Variants in MICAL3 observed in about 807,000 individuals in gnomAD.
The protein encoded by MICAL3 is [F-actin]-monooxygenase MICAL3.
A neutral mutation model predicts 207.4 loss-of-function variants in MICAL3; 62 were observed. That is an observed-to-expected ratio of 0.30 (90% CI 0.24 to 0.37). The LOEUF (loss-of-function observed/expected upper bound fraction) is 0.37. Among genes scored for constraint, MICAL3 ranks in the 10% least tolerant of loss-of-function variants. MICAL3 has a pLI of 1.00. For synonymous variants in MICAL3, 1,077 were observed against 1,069.3 expected (o/e 1.01, Z -0.14); for missense variants, 2,368 against 2,635.6 (o/e 0.90, Z 2.22).
At chr22:18,017,106 T>C (rs1185213963) in intron 1 of MICAL3, among the ~76,000 whole-genome samples, 3 of 152,228 alleles carry the variant, frequency 2.0e-5, no homozygotes, top group African/African-American at 4.8e-5. Flanking sequence ...GTATAGAACC[T>C]GGCCTTCCAA....
intron 3 of MICAL3, 55 bp downstream of exon 3, chr22:17,904,577 G>C (rs1931578365): frequency 7.5e-7 from 1 of 1,339,200 alleles, no homozygotes; most frequent in African/African-American, 1.4e-5. Context: ...TCTTTCTACT[G>C]AACAAGCGTG....
intron 1 of MICAL3, among the ~76,000 whole-genome samples, chr22:17,976,531 A>ATGTGTGTGTGTGTGTGTGTGTGTGTGTG (rs1239655452): frequency 8.7e-6 from 1 of 114,738 alleles, no homozygotes; most frequent in African/African-American, 3.9e-5. Flanking sequence ...ATATGTGTAT[A>ATGTGTGTGTGTGTGTGTGTGTGTGTGTG]TATATGTGTG....
intron 1 of MICAL3, among the ~76,000 whole-genome samples, chr22:18,010,936 G>A (rs138154495): frequency 1.3e-5 from 2 of 152,248 alleles, no homozygotes; most frequent in African/African-American, 4.8e-5. Context: ...TAAAATAGCA[G>A]CCCTTCCCTG....
chr22:17,957,261 G>C (rs77730581), intron 1 of MICAL3, among the ~76,000 whole-genome samples: 1 of 152,142 alleles, frequency 6.6e-6, no homozygotes, highest in South Asian at 2.1e-4. Flanking sequence ...TAGAAGGAAC[G>C]AGACAAAATC....
chr22:17,881,071 G>A (rs1419162437), intron 16 of MICAL3: 5 of 787,650 alleles, frequency 6.3e-6, no homozygotes, highest in African/African-American at 3.5e-5. Context: ...CACCACAAAC[G>A]GTTTCTACGC....
chr22:17,809,400 C>T (rs754689870), intron 28 of MICAL3, among the ~76,000 whole-genome samples: 2 of 152,218 alleles, frequency 1.3e-5, no homozygotes, highest in African/African-American at 4.8e-5. Context: ...CTTTGGGAGG[C>T]TGAGGTGGGC....
chr22:17,990,345 C>T (rs1890775880), intron 1 of MICAL3, among the ~76,000 whole-genome samples: 2 of 151,870 alleles, frequency 1.3e-5, no homozygotes, highest in African/African-American at 4.8e-5. Context: ...AGCATGCTCC[C>T]CTGAAGACTG....
intron 27 of MICAL3, chr22:17,814,918 C>T (rs1347669201): frequency 6.6e-6 from 1 of 152,276 alleles, no homozygotes; most frequent in Non-Finnish European, 1.5e-5. Flanking sequence ...GGTCATCCAT[C>T]CCCTAGCTCG....
intron 1 of MICAL3, among the ~76,000 whole-genome samples, chr22:17,979,457 A>C (rs1203901957): frequency 6.6e-6 from 1 of 152,172 alleles, no homozygotes; most frequent in Non-Finnish European, 1.5e-5. Flanking sequence ...AGGCAGGAGA[A>C]TCACTTGAAC....
intron 19 of MICAL3, chr22:17,860,534 G>T: frequency 1.0e-6 from 1 of 985,494 alleles, no homozygotes; most frequent in Non-Finnish European, 1.2e-6. Context: ...TAAAGGCTAT[G>T]GTGGAACTCC....
In MICAL3 at chr22:17,889,308, G is replaced by A. The variant is rs371608669; in HGVS notation, c.1695-78C>T. 99 of 1,074,212 alleles carry A rather than the reference G, an allele frequency of 9.2e-5. No individual in the cohort carries two copies. The South Asian group carries it at 1.2e-3, about 13-fold the overall frequency. The allele number at this position is 1,074,212 out of a possible 1,614,324, so 66.5% of individuals were successfully genotyped here. ...AGAAACGCAGTATCCTGGAGTCATC[G>A]TCCTTTCTCTGTTTTCAGCTAAAAT... is the stretch of plus-strand genomic sequence containing the variant. On this transcript the variant is annotated intron_variant, in intron 12 of 31. Transcript: ENST00000441493.
intron 1 of MICAL3, among the ~76,000 whole-genome samples, chr22:17,946,753 G>A (rs554869582): frequency 1.3e-5 from 2 of 152,344 alleles, no homozygotes; most frequent in South Asian, 4.1e-4. Context: ...CCCCTTCTCT[G>A]CTCCAAAGCC....
chr22:17,901,889 T>C lies in MICAL3; in HGVS notation c.680A>G (p.Asn227Ser). Residue 227 changes from asparagine to serine, a missense_variant, in exon 5 of 32, where the codon AAC becomes AGC. Asn to Ser is a conservative substitution (Grantham distance 46). Transcript: ENST00000441493. ...GCACAGACCAATACCTTCCAAGGTG[T>C]TCCTCCGACCATCCCCACCGATGAT... is the stretch of plus-strand genomic sequence containing the variant. ...EVIIGGDGRR[N>S]TLEGFRRKEF... 6.2e-7 allele frequency: 1 copy of C among 1,613,154 alleles called. No homozygotes were observed. The highest frequency in any genetic ancestry group is 8.5e-7 in the Non-Finnish European group (1 of 1,179,272).
intron 1 of MICAL3, among the ~76,000 whole-genome samples, chr22:17,996,860 G>A (rs1922340246): frequency 1.3e-5 from 2 of 152,094 alleles, no homozygotes; most frequent in Non-Finnish European, 1.5e-5. Context: ...AGCAGAAACT[G>A]AGGGCCTTAT....
chr22:17,880,620 C>G (rs966267503), intron 16 of MICAL3, among the ~76,000 whole-genome samples: 4 of 152,234 alleles, frequency 2.6e-5, no homozygotes, highest in South Asian at 2.1e-4. Flanking sequence ...TACAAACATG[C>G]CGCAGACACA....
intron 1 of MICAL3, among the ~76,000 whole-genome samples, chr22:17,933,839 A>C (rs897843017): frequency 6.6e-6 from 1 of 152,254 alleles, no homozygotes; most frequent in African/African-American, 2.4e-5. Context: ...AGAGAATACT[A>C]TAAACACTTC....
chr22:17,980,490 G>A (rs1052108987), intron 1 of MICAL3, among the ~76,000 whole-genome samples: 4 of 152,180 alleles, frequency 2.6e-5, no homozygotes, highest in African/African-American at 9.7e-5. Flanking sequence ...AGTGGGCAAG[G>A]ACAACTTTCA....
Position 17,813,120 on chromosome 22 carries a change from T to C in MICAL3, c.5446-2307A>G, listed in dbSNP as rs1452699381. 3.9e-5 allele frequency: 6 copies of C among 152,148 alleles called. No homozygotes were observed. The East Asian group carries it at 9.6e-4, about 24-fold the overall frequency. The allele number at this position is 152,148 out of a possible 1,614,324, so 9.4% of individuals were successfully genotyped here. On this transcript the variant is annotated intron_variant, in intron 27 of 31. Transcript: ENST00000441493. ...CCACCCAGCTGCCATTTCTTGATTG[T>C]GCCCAGTAAAGGGAATTGAACTACC...
intron 1 of MICAL3, among the ~76,000 whole-genome samples, chr22:17,939,932 G>A (rs539589122): frequency 1.4e-4 from 21 of 152,254 alleles, no homozygotes; most frequent in African/African-American, 4.3e-4. Flanking sequence ...GCCCTTTTCC[G>A]CAGGCACAGA....
Sources: allele counts gnomAD v4.1 joint callset (sites outside exome capture counted in the v4.1 genomes callset), GRCh38; gene constraint gnomAD v4.1.1; transcripts MANE v1.5; gene names NCBI Gene and HGNC (gene_info 2026-07-23, HGNC 2026-07-21).